The following LY96 variants were observed in gnomAD, a reference collection of about 807,000 sequenced individuals.
LY96 encodes lymphocyte antigen 96.
Under a neutral mutation model 18.9 loss-of-function variants are expected in LY96, and 18 were observed. That is an observed-to-expected ratio of 0.95 (90% CI 0.66 to 1.41). The LOEUF is 1.41. Among genes scored for constraint, LY96 ranks in the 40% most tolerant of loss-of-function variants. The probability of loss-of-function intolerance (pLI) is 0.00; values close to 1 mark genes in which losing one functional copy is unlikely to be tolerated. For synonymous variants in LY96, 66 were observed against 62.6 expected (o/e 1.06, Z -0.26); for missense variants, 175 against 182.4 (o/e 0.96, Z 0.23).
At chr8:74,040,370 TTGCTTG>T in the LY96 span, among the ~76,000 whole-genome samples, 1 of 152,368 alleles carries the variant, frequency 6.6e-6, no homozygotes, top group African/African-American at 2.4e-5. Context: ...TTTGGTTTGG[TTGCTTG>T]TGCTTGTGGG....
chr8:74,072,010 C>T, the LY96 span, among the ~76,000 whole-genome samples: 3 of 152,102 alleles, frequency 2.0e-5, no homozygotes, highest in Non-Finnish European at 4.4e-5. Context: ...AGTACAATGC[C>T]AAGCACAAAC....
chr8:74,099,331 C>T, the LY96 span: 2 of 152,224 alleles, frequency 1.3e-5, no homozygotes, highest in African/African-American at 2.4e-5. Flanking sequence ...AGGCCTTCTT[C>T]CCTACAGGCT....
chr8:74,091,346 C>T, the LY96 span, among the ~76,000 whole-genome samples: 30 of 152,328 alleles, frequency 2.0e-4, no homozygotes, highest in African/African-American at 7.0e-4. Flanking sequence ...TTGTCCAGTG[C>T]CCAACTTTCT....
chr8:74,054,511 TTTCTTTCTTTTCCTTCCTTCCTTCC>T, the LY96 span, among the ~76,000 whole-genome samples: 3 of 145,300 alleles, frequency 2.1e-5, no homozygotes, highest in Admixed American at 7.1e-5. Flanking sequence ...TTTTTTTTCT[TTTCTTTCTTTTCCTTCCTTCCTTCC>T]TTCCTTCCTT....
At chr8:73,996,366 TTCATTC>T (rs1368554599) in intron 1 of LY96, among the ~76,000 whole-genome samples, 23 of 117,270 alleles carry the variant, frequency 2.0e-4, no homozygotes, top group African/African-American at 7.6e-4. Context: ...CCTTCCTTCC[TTCATTC>T]CTTTCTTTCT....
chr8:74,039,912 C>T, the LY96 span, among the ~76,000 whole-genome samples: 116 of 152,098 alleles, frequency 7.6e-4, no homozygotes, highest in African/African-American at 2.6e-3. Flanking sequence ...TCCAGCCTCC[C>T]ACAAGAAGCT....
chr8:74,081,087 C>CTCTTTCTT, the LY96 span, among the ~76,000 whole-genome samples: 15,300 of 92,468 alleles, frequency 0.17, 1,848 homozygotes, highest in East Asian at 0.21. Flanking sequence ...TTCTCTTTCT[C>CTCTTTCTT]TCTTTCTTTC....
the LY96 span, among the ~76,000 whole-genome samples, chr8:74,078,570 G>C: frequency 6.6e-6 from 1 of 152,136 alleles, no homozygotes; most frequent in Non-Finnish European, 1.5e-5. Flanking sequence ...GGTTGTGTTG[G>C]GTTCTGAGGC....
At chr8:74,025,978 G>A (rs1298312940) in intron 3 of LY96, among the ~76,000 whole-genome samples, 8 of 151,666 alleles carry the variant, frequency 5.3e-5, no homozygotes, top group East Asian at 1.9e-4. Flanking sequence ...ATTGTACTCC[G>A]GCCTGGGCAA....
chr8:73,991,942 G>A (rs1816013378), intron 1 of LY96, among the ~76,000 whole-genome samples: 3 of 152,152 alleles, frequency 2.0e-5, no homozygotes, highest in Admixed American at 2.0e-4. Flanking sequence ...GCTTCCTGGA[G>A]TTGATTTCTG....
chr8:74,009,374 C>CAA lies in LY96; in HGVS notation c.203-603_203-602dup, dbSNP rs370593442. ...TACGCCACTGCACTCCAGTCTTTCT[C>CAA]AAAAAAAAAAAAAAAAAAAAAAAAA... On this transcript the variant is annotated intron_variant, in intron 2 of 4. Coordinates refer to ENST00000284818, the MANE Select transcript of LY96 (RefSeq NM_015364.5). Among the ~76,000 whole-genome samples, 556 of 58,328 alleles carry CAA rather than the reference C, an allele frequency of 9.5e-3. 4 individuals carry two copies. Among genetic ancestry groups the CAA allele is most frequent in the African/African-American group, 0.016 (301 of 19,258 alleles). 38.3% of individuals were successfully genotyped at this position (58,328 alleles called of 152,430 possible). A position where few individuals can be genotyped will look rare whatever the true frequency, so the allele number is the denominator to read the frequency against.
At chr8:74,022,726 A>G (rs564242780) in intron 3 of LY96, among the ~76,000 whole-genome samples, 1 of 151,870 alleles carries the variant, frequency 6.6e-6, no homozygotes, top group East Asian at 2.0e-4. Context: ...TTATAGGTGC[A>G]TGCCACCACG....
At position 74,029,069 on chromosome 8, in the gene LY96, T is replaced by C; in HGVS notation, c.*15T>C. 2 of 1,511,424 alleles carry C rather than the reference T, an allele frequency of 1.3e-6. No individual in the cohort carries two copies. The highest frequency in any genetic ancestry group is 1.8e-6 in the Non-Finnish European group (2 of 1,090,466). 93.6% of individuals were successfully genotyped at this position (1,511,424 alleles called of 1,614,324 possible). On this transcript the variant is annotated 3_prime_UTR_variant, in exon 5 of 5. Transcript: ENST00000284818. ...ATTCAAATTAGAATAAATTGAGTATTTAAAAAAAAATTTAAAGGTATTGTT... is the reference window on the plus strand; with the variant it reads ...ATTCAAATTAGAATAAATTGAGTATCTAAAAAAAAATTTAAAGGTATTGTT...
chr8:74,026,659 A>T (rs1816878024), intron 3 of LY96, 130 bp from the exon 4 acceptor site: 10 of 667,050 alleles, frequency 1.5e-5, no homozygotes, highest in Middle Eastern at 3.1e-4. Context: ...GGTATAAAAG[A>T]TTCATTATTT....
chr8:74,019,499 G>A (rs1015386388), intron 3 of LY96, among the ~76,000 whole-genome samples: 1 of 152,160 alleles, frequency 6.6e-6, no homozygotes, highest in Non-Finnish European at 1.5e-5. Context: ...GTACAAAAAG[G>A]AGATGGTACC....
At chr8:74,054,076 A>G in the LY96 span, among the ~76,000 whole-genome samples, 1 of 152,312 alleles carries the variant, frequency 6.6e-6, no homozygotes, top group African/African-American at 2.4e-5. Flanking sequence ...CATCCAGGCT[A>G]GAGTACAGTG....
At chr8:74,076,972 T>TGG in the LY96 span, among the ~76,000 whole-genome samples, 1 of 152,212 alleles carries the variant, frequency 6.6e-6, no homozygotes, top group Non-Finnish European at 1.5e-5. Flanking sequence ...AGCTTTAAAT[T>TGG]GGGGGTTCCC....
the LY96 span, among the ~76,000 whole-genome samples, chr8:74,055,458 G>T: frequency 1.3e-5 from 2 of 152,104 alleles, no homozygotes; most frequent in African/African-American, 2.4e-5. Context: ...CAAAGTGCCA[G>T]TCATAAGGTT....
chr8:74,081,079 CT>C, the LY96 span, among the ~76,000 whole-genome samples: 2 of 78,598 alleles, frequency 2.5e-5, no homozygotes, highest in African/African-American at 1.3e-4. Context: ...TTTCTTTCTT[CT>C]CTTTCTCTCT....
Sources: gnomAD v4.1 joint callset for allele counts (sites outside exome capture counted in the v4.1 genomes callset) on GRCh38, gnomAD v4.1.1 for gene constraint, MANE v1.5 for transcripts, NCBI Gene and HGNC (gene_info 2026-07-23, HGNC 2026-07-21) for gene names.